Variants in ATP6V1E2 observed in about 807,000 individuals in gnomAD.
The protein encoded by ATP6V1E2 is V-type proton ATPase subunit E 2.
For synonymous variants in ATP6V1E2, 121 were observed against 104.2 expected (o/e 1.16, Z -0.98); for missense variants, 308 against 273.3 (o/e 1.13, Z -0.90).
Position 46,512,576 on chromosome 2 carries a change from C to G in ATP6V1E2, c.136G>C (p.Val46Leu), listed in dbSNP as rs117965097. 1.2e-6 allele frequency: 2 copies of G among 1,614,032 alleles called. No homozygotes were observed. The highest frequency in any genetic ancestry group is 1.3e-5 in the African/African-American group (1 of 74,894). ...ATAATCTTCAGTCGTTGGGTTTGCA[C>G]GAGGCGTCCTTTCTCAATGTTAAAC... The part of the protein sequence containing the change: ...EEFNIEKGRL[V>L]QTQRLKIMEY... The change falls in exon 5 of 5, where the codon GTG (valine) becomes CTG (leucine). Residue 46 changes from valine (V) to leucine (L), a missense_variant. Physicochemically the swap from Val to Leu is conservative, Grantham distance 32 (BLOSUM62 1). Coordinates refer to ENST00000522587, the MANE Select transcript of ATP6V1E2 (RefSeq NM_001318063.2).
At chr2:46,524,438 A>C (rs7557190) in intron 4 of ATP6V1E2, among the ~76,000 whole-genome samples, 44,115 of 152,248 alleles carry the variant, frequency 0.29, 7,857 homozygotes, top group Non-Finnish European at 0.4. Context: ...GAAAGTTGGT[A>C]GTATTTATTA....
At chr2:46,537,384 G>C (rs1667499507) in intron 2 of ATP6V1E2, 1 of 152,210 alleles carries the variant, frequency 6.6e-6, no homozygotes, top group South Asian at 2.1e-4. Flanking sequence ...ACCATGACTG[G>C]TTCAGGGATG....
intron 4 of ATP6V1E2, among the ~76,000 whole-genome samples, 197 bp from the exon 5 acceptor site, chr2:46,513,009 C>G (rs902144884): frequency 3.9e-5 from 6 of 152,228 alleles, no homozygotes; most frequent in Non-Finnish European, 8.8e-5. Context: ...TACACTCACT[C>G]TCATTGTTAT....
intron 4 of ATP6V1E2, among the ~76,000 whole-genome samples, chr2:46,529,865 AG>A (rs1225929649): frequency 6.6e-6 from 1 of 152,198 alleles, no homozygotes; most frequent in African/African-American, 2.4e-5. Context: ...CAACAATCTT[AG>A]GAATTTGCAA....
At chr2:46,514,254 G>T (rs549263306) in intron 4 of ATP6V1E2, among the ~76,000 whole-genome samples, 1 of 151,904 alleles carries the variant, frequency 6.6e-6, no homozygotes, top group Non-Finnish European at 1.5e-5. Flanking sequence ...AGTCCAGCTT[G>T]GGTGACAAGA....
intron 4 of ATP6V1E2, among the ~76,000 whole-genome samples, chr2:46,525,122 G>A (rs1232170768): frequency 6.6e-6 from 1 of 152,196 alleles, no homozygotes; most frequent in Non-Finnish European, 1.5e-5. Context: ...CAGGTCTGAG[G>A]ACTCAGCCTC....
chr2:46,531,735 G>A (rs567415351), intron 4 of ATP6V1E2, among the ~76,000 whole-genome samples: 1 of 152,300 alleles, frequency 6.6e-6, no homozygotes, highest in South Asian at 2.1e-4. Flanking sequence ...TGGGTGTAAA[G>A]GGGTACCTCA....
chr2:46,535,919 C>T lies in ATP6V1E2; in HGVS notation c.-208G>A, dbSNP rs1667420417. 6.6e-6 allele frequency: 1 copy of T among 152,202 alleles called. No individual in the cohort carries two copies. Among genetic ancestry groups the T allele is most frequent in the Non-Finnish European group, 1.5e-5 (1 of 68,028 alleles). The allele number at this position is 152,202 out of a possible 1,614,324, so 9.4% of individuals were successfully genotyped here. On this transcript the variant is annotated 5_prime_UTR_variant, in exon 4 of 5. The change creates a new upstream start codon in the 5' untranslated region. Coordinates refer to ENST00000522587, the MANE Select transcript of ATP6V1E2 (RefSeq NM_001318063.2). The surrounding 1 kb of genome is among the most constrained non-coding windows in gnomAD (Gnocchi z 4.4). ...TGAGTCTTGGGATGGTTTTCTGGCA[C>T]TCTTGGTTCTGAAACATAAAATAAA...
intron 4 of ATP6V1E2, chr2:46,519,065 G>A (rs1210609131): frequency 6.6e-6 from 1 of 152,200 alleles, no homozygotes; most frequent in Non-Finnish European, 1.5e-5. Context: ...GATGACCCTT[G>A]CAGTCTGACC....
intron 4 of ATP6V1E2, among the ~76,000 whole-genome samples, chr2:46,515,570 G>A (rs1036825854): frequency 6.6e-6 from 1 of 152,082 alleles, no homozygotes; most frequent in Admixed American, 6.5e-5. Context: ...GTATGGGGGA[G>A]TCAAACACAA....
intron 4 of ATP6V1E2, among the ~76,000 whole-genome samples, chr2:46,524,806 G>A (rs1338521913): frequency 3.9e-5 from 6 of 152,208 alleles, no homozygotes; most frequent in Non-Finnish European, 8.8e-5. Flanking sequence ...GAGCAGGTGG[G>A]TTTGGCAGTA....
chr2:46,519,422 G>T (rs1666488514), intron 4 of ATP6V1E2: 1 of 152,208 alleles, frequency 6.6e-6, no homozygotes, highest in Non-Finnish European at 1.5e-5. Flanking sequence ...TCACCAGATG[G>T]TCTTTAAGAG....
chr2:46,531,662 A>G (rs1450111432), intron 4 of ATP6V1E2, among the ~76,000 whole-genome samples: 1 of 152,176 alleles, frequency 6.6e-6, no homozygotes, highest in Non-Finnish European at 1.5e-5. Flanking sequence ...AAGGGTTCCA[A>G]TTTCTTCACA....
chr2:46,540,613 C>CTTTTTTTTTTTTTTTTTTTTT (rs59810518), intron 2 of ATP6V1E2, among the ~76,000 whole-genome samples: 1 of 115,664 alleles, frequency 8.6e-6, no homozygotes, highest in Non-Finnish European at 1.8e-5. Flanking sequence ...TTTTCTGTAA[C>CTTTTTTTTTTTTTTTTTTTTT]TTTTTTTTTT....
intron 4 of ATP6V1E2, among the ~76,000 whole-genome samples, chr2:46,520,470 C>A (rs1400875848): frequency 6.6e-6 from 1 of 152,258 alleles, no homozygotes; most frequent in African/African-American, 2.4e-5. Flanking sequence ...AAGGGGCCCT[C>A]CAAGCCAGAC....
rs533485850 is a variant in ATP6V1E2, at chr2:46,525,328, G to A, written c.-102+10485C>T. On this transcript the variant is annotated intron_variant, in intron 4 of 4. Transcript: ENST00000522587. ...ATTCAAAAAATTAGCCGGGCGCAGT[G>A]GCGGGCGCCTGTAGTCCCAGCTACT... Among the ~76,000 whole-genome samples, 376 of 150,666 alleles carry A rather than the reference G, an allele frequency of 2.5e-3. 1 individual carries two copies. The highest frequency in any genetic ancestry group is 4.3e-3 in the Admixed American group (64 of 15,052).
At chr2:46,520,602 G>A (rs1439623008) in intron 4 of ATP6V1E2, among the ~76,000 whole-genome samples, 1 of 152,176 alleles carries the variant, frequency 6.6e-6, no homozygotes, top group African/African-American at 2.4e-5. Context: ...AATAAATCCT[G>A]CCCATATATT....
chr2:46,517,828 A>T (rs1414524297), intron 4 of ATP6V1E2, among the ~76,000 whole-genome samples: 1 of 152,196 alleles, frequency 6.6e-6, no homozygotes, highest in Non-Finnish European at 1.5e-5. Context: ...ATTATTTTTT[A>T]AAAAAAGAAG....
intron 4 of ATP6V1E2, among the ~76,000 whole-genome samples, chr2:46,522,738 T>A (rs1014084852): frequency 1.3e-5 from 2 of 152,240 alleles, no homozygotes; most frequent in Admixed American, 6.5e-5. Context: ...TGATTTATAA[T>A]CTTTTGGGTA....
Sources: gnomAD v4.1 joint callset for allele counts (sites outside exome capture counted in the v4.1 genomes callset) on GRCh38, gnomAD v4.1.1 for gene constraint, Gnocchi (gnomAD v3.1) non-coding constraint, MANE v1.5 for transcripts, NCBI Gene and HGNC (gene_info 2026-07-23, HGNC 2026-07-21) for gene names.